Variants in MTHFD1L observed in about 807,000 individuals in gnomAD.
MTHFD1L encodes the protein methylenetetrahydrofolate dehydrogenase (NADP+ dependent) 1 like.
MTHFD1L carries 81 observed loss-of-function variants against 119.5 expected under a neutral mutation model. The observed-to-expected ratio is 0.68, with a 90% CI of 0.57 to 0.82. The LOEUF (loss-of-function observed/expected upper bound fraction) is 0.82. Ranked by LOEUF, MTHFD1L falls within the 40% of genes least tolerant of loss-of-function variation. The pLI is 0.00. For synonymous variants in MTHFD1L, 430 were observed against 475.2 expected (o/e 0.90, Z 1.24); for missense variants, 1,125 against 1,253.4 (o/e 0.90, Z 1.55).
intron 26 of MTHFD1L, among the ~76,000 whole-genome samples, chr6:151,046,502 T>TAC (rs1344761473): frequency 1.7e-5 from 2 of 117,220 alleles, no homozygotes; most frequent in African/African-American, 5.9e-5. Flanking sequence ...TATATATATA[T>TAC]ATATATATAT....
At chr6:151,022,249 CT>C in intron 24 of MTHFD1L, 1 of 321,072 alleles carries the variant, frequency 3.1e-6, no homozygotes, top group Admixed American at 4.0e-5. Context: ...TTTTCTACAT[CT>C]TGAAAATGCC....
intron 26 of MTHFD1L, among the ~76,000 whole-genome samples, chr6:151,062,015 C>T (rs1415303975): frequency 6.6e-6 from 1 of 152,194 alleles, no homozygotes; most frequent in Non-Finnish European, 1.5e-5. Context: ...GATCCTGGTC[C>T]TCAGACCCTC....
At chr6:151,022,676 T>C (rs1188919263) in intron 24 of MTHFD1L, among the ~76,000 whole-genome samples, 2 of 152,128 alleles carry the variant, frequency 1.3e-5, no homozygotes, top group Non-Finnish European at 1.5e-5. Context: ...CTCCCCCGGC[T>C]CTCCCTCCCA....
rs532095404 is a variant in MTHFD1L, at chr6:151,017,030, C to A, written c.2586+1337C>A. On this transcript the variant is annotated intron_variant, in intron 24 of 27. Transcript: ENST00000367321. ...GCTCCGGCAGTCCACCCGCCTCGGCCTCCCAGAGTGCTAGGGTTGCAGGCG... is the reference window on the plus strand; with the variant it reads ...GCTCCGGCAGTCCACCCGCCTCGGCATCCCAGAGTGCTAGGGTTGCAGGCG... 4.6e-4 allele frequency among the ~76,000 whole-genome samples: 69 copies of A among 151,616 alleles called. No individual in the cohort carries two copies. The South Asian group carries it at 5.4e-3, about 12-fold the overall frequency.
chr6:150,942,300 C>A (rs1417532899), intron 13 of MTHFD1L, among the ~76,000 whole-genome samples: 1 of 152,096 alleles, frequency 6.6e-6, no homozygotes, highest in Non-Finnish European at 1.5e-5. Context: ...CTATCAGTTA[C>A]CATTTTACTT....
At position 151,051,599 on chromosome 6, in the gene MTHFD1L, A is replaced by G. The variant is rs893570324; in HGVS notation, c.2847+14482A>G. Among the ~76,000 whole-genome samples, 4 of 152,314 alleles carry G rather than the reference A, an allele frequency of 2.6e-5. No homozygotes were observed. In the South Asian group the frequency reaches 6.2e-4, roughly 24 times the overall value. ...TCGGCATGTACTCACAGGGCCGTGC[A>G]TGCTGAGCATTGAGACACATCACAA... On this transcript the variant is annotated intron_variant, in intron 26 of 27. Transcript: ENST00000367321.
chr6:150,938,951 G>A (rs151160774), intron 13 of MTHFD1L, among the ~76,000 whole-genome samples: 18 of 152,290 alleles, frequency 1.2e-4, no homozygotes, highest in Admixed American at 3.9e-4. Flanking sequence ...GATTTTGTAC[G>A]TGCTACTTGG....
At chr6:151,000,403 A>G (rs990391427) in intron 20 of MTHFD1L, among the ~76,000 whole-genome samples, 1 of 151,968 alleles carries the variant, frequency 6.6e-6, no homozygotes, top group Non-Finnish European at 1.5e-5. Flanking sequence ...GTCTCCTGAT[A>G]TGTGTCTAGT....
At chr6:150,922,178 A>G (rs1789066962) in intron 9 of MTHFD1L, 27 bp from the exon 10 acceptor site, 5 of 1,560,578 alleles carry the variant, frequency 3.2e-6, no homozygotes, top group South Asian at 2.2e-5. Context: ...CCATTCTAAC[A>G]TGTTTTCCCC....
intron 19 of MTHFD1L, among the ~76,000 whole-genome samples, chr6:150,970,871 G>A (rs1436998819): frequency 6.6e-6 from 1 of 152,048 alleles, no homozygotes; most frequent in East Asian, 1.9e-4. Flanking sequence ...CTCCATACTG[G>A]GAGTTTTAAA....
intron 16 of MTHFD1L, among the ~76,000 whole-genome samples, chr6:150,955,779 C>T (rs959117086): frequency 6.6e-6 from 1 of 152,120 alleles, no homozygotes; most frequent in African/African-American, 2.4e-5. Context: ...GGATTACAGG[C>T]GTGAGCCACT....
At chr6:150,998,308 TTCTG>T (rs145223368) in intron 20 of MTHFD1L, among the ~76,000 whole-genome samples, 3,428 of 152,232 alleles carry the variant, frequency 0.023, 119 homozygotes, top group African/African-American at 0.078. Flanking sequence ...GATATTTTCC[TTCTG>T]TCTGTCTTAA....
rs942096506 is a variant in MTHFD1L at position 151,052,557 on chromosome 6, T to C, written c.2847+15440T>C. Among the ~76,000 whole-genome samples the C allele has an allele frequency of 3.9e-5, 6 of 152,254 alleles. No individual in the cohort carries two copies. The East Asian group carries it at 1.2e-3, about 29-fold the overall frequency. ...TTATGACTCAGGCAGGGTGGCACATTCCAGACGGCAGTGGGCAGGAGCCTG... is the reference window on the plus strand; with the variant it reads ...TTATGACTCAGGCAGGGTGGCACATCCCAGACGGCAGTGGGCAGGAGCCTG... On this transcript the variant is annotated intron_variant, in intron 26 of 27. Transcript: ENST00000367321.
At chr6:150,964,072 G>A (rs1211958117) in intron 18 of MTHFD1L, among the ~76,000 whole-genome samples, 1 of 152,182 alleles carries the variant, frequency 6.6e-6, no homozygotes, top group East Asian at 1.9e-4. Flanking sequence ...GGGAGGCTGA[G>A]GCAGAAGAAT....
At chr6:151,032,528 C>T (rs949296116) in intron 24 of MTHFD1L, among the ~76,000 whole-genome samples, 12 of 152,198 alleles carry the variant, frequency 7.9e-5, no homozygotes, top group African/African-American at 2.9e-4. Context: ...TTGAGGATTA[C>T]ATTTCACCAT....
chr6:151,067,425 G>A (rs1412191411), intron 26 of MTHFD1L, among the ~76,000 whole-genome samples: 2 of 151,950 alleles, frequency 1.3e-5, no homozygotes, highest in Non-Finnish European at 2.9e-5. Context: ...CTACGTCCAA[G>A]CAATTATCGT....
intron 26 of MTHFD1L, among the ~76,000 whole-genome samples, chr6:151,088,869 G>A (rs1313757025): frequency 1.3e-5 from 2 of 152,140 alleles, no homozygotes; most frequent in Non-Finnish European, 2.9e-5. Context: ...ATCCTGCATC[G>A]CCTTTCATCA....
At chr6:151,003,497 A>T (rs1019502078) in intron 20 of MTHFD1L, among the ~76,000 whole-genome samples, 3 of 152,024 alleles carry the variant, frequency 2.0e-5, no homozygotes, top group Non-Finnish European at 4.4e-5. Flanking sequence ...GCACCATTGC[A>T]TTCCAGCCTG....
chr6:151,044,555 C>T (rs918167768), intron 26 of MTHFD1L, among the ~76,000 whole-genome samples: 2 of 152,076 alleles, frequency 1.3e-5, no homozygotes, highest in African/African-American at 4.8e-5. Context: ...CCTGCCTCAG[C>T]CTCCCAAAGT....
Sources: gnomAD v4.1 joint callset for allele counts (sites outside exome capture counted in the v4.1 genomes callset) on GRCh38, gnomAD v4.1.1 for gene constraint, MANE v1.5 for transcripts, NCBI Gene and HGNC (gene_info 2026-07-23, HGNC 2026-07-21) for gene names.